LYST: variants seen among roughly 807,000 people sequenced by gnomAD.
LYST encodes lysosomal trafficking regulator.
A neutral mutation model predicts 413.6 loss-of-function variants in LYST; 192 were observed. The observed-to-expected ratio is 0.46, with a 90% CI of 0.41 to 0.52. LYST has a LOEUF of 0.52. Ranked by LOEUF, LYST falls within the 20% of genes least tolerant of loss-of-function variation. The pLI, the probability that LYST is intolerant of heterozygous loss-of-function variation, is 0.00. For synonymous variants in LYST, 1,525 were observed against 1,567.3 expected (o/e 0.97, Z 0.64); for missense variants, 3,815 against 4,499.9 (o/e 0.85, Z 4.35).
intron 6 of LYST, among the ~76,000 whole-genome samples, chr1:235,805,308 T>C (rs561851549): frequency 2.0e-5 from 3 of 152,272 alleles, no homozygotes; most frequent in South Asian, 4.1e-4. Context: ...ACAATGATTG[T>C]CCCCACTTCT....
chr1:235,697,305 T>C, intron 45 of LYST, 33 bp from the exon 46 acceptor site: 2 of 1,520,588 alleles, frequency 1.3e-6, no homozygotes, highest in East Asian at 2.3e-5. Context: ...GTATGGCTTT[T>C]TAAAAGGTGG....
chr1:235,856,333 AAAG>A (rs1373893202), intron 1 of LYST, among the ~76,000 whole-genome samples: 2 of 152,228 alleles, frequency 1.3e-5, no homozygotes, highest in East Asian at 1.9e-4. Context: ...AGTATAACAG[AAAG>A]AATAGTAGAC....
intron 14 of LYST, 63 bp downstream of exon 14, chr1:235,787,137 T>C (rs1572255812): frequency 8.1e-7 from 1 of 1,241,074 alleles, no homozygotes; most frequent in East Asian, 2.3e-5. Flanking sequence ...GAAGCTATAA[T>C]TGACTAATGA....
At chr1:235,770,512 A>G (rs1668563701) in intron 19 of LYST, among the ~76,000 whole-genome samples, 1 of 152,182 alleles carries the variant, frequency 6.6e-6, no homozygotes, top group South Asian at 2.1e-4. Context: ...ACAATATTGT[A>G]TTAGGTGCTT....
rs1371791424 is a variant in LYST, at chr1:235,774,970, A to T, written c.5577T>A (p.Ser1859=). Residue 1859 remains serine (S), a synonymous_variant, in exon 18 of 53, where the codon TCT becomes TCA. Transcript: ENST00000389793. Reference sequence around the variant, plus strand: ...GTTTGATCAACACCTGATGAATCATAGAAAGTCCATTACAATTTTCTAATT... The same window carrying T: ...GTTTGATCAACACCTGATGAATCATTGAAAGTCCATTACAATTTTCTAATT... ...VHELENCNGL[S]MIHQVLIKQK... 1 of 1,610,918 alleles carries T rather than the reference A, an allele frequency of 6.2e-7. No homozygotes were observed. The highest frequency in any genetic ancestry group is 8.5e-7 in the Non-Finnish European group (1 of 1,178,488).
rs554073540 is a variant in LYST at position 235,712,254 on chromosome 1, C to A, written c.9785-57G>T. 1.1e-5 allele frequency: 14 copies of A among 1,255,036 alleles called. No individual in the cohort carries two copies. In the African/African-American group the frequency reaches 1.7e-4, roughly 15 times the overall value. 77.7% of individuals were successfully genotyped at this position (1,255,036 alleles called of 1,614,324 possible). A position where few individuals can be genotyped will look rare whatever the true frequency, so the allele number is the denominator to read the frequency against. ...CACAAAGACCTAATTCTATTTGAGGCCTATCATAATTAATTTACTTTTGCC... is the reference window on the plus strand; with the variant it reads ...CACAAAGACCTAATTCTATTTGAGGACTATCATAATTAATTTACTTTTGCC... On this transcript the variant is annotated intron_variant, in intron 42 of 52. Coordinates refer to ENST00000389793, the MANE Select transcript of LYST (RefSeq NM_000081.4).
intron 22 of LYST, among the ~76,000 whole-genome samples, chr1:235,760,817 T>C (rs1398764238): frequency 1.3e-5 from 2 of 152,264 alleles, no homozygotes; most frequent in Non-Finnish European, 2.9e-5. Flanking sequence ...TAGTTATTTC[T>C]GGATTTGGGC....
intron 32 of LYST, 140 bp downstream of exon 32, chr1:235,734,343 T>C (rs1036828951): frequency 6.6e-5 from 49 of 739,196 alleles, no homozygotes; most frequent in Non-Finnish European, 1.2e-5. Flanking sequence ...ACAAAAGCAA[T>C]ATAGTATATA....
intron 12 of LYST, 163 bp downstream of exon 12, chr1:235,791,536 A>G (rs1670991348): frequency 1.5e-6 from 1 of 671,646 alleles, no homozygotes; most frequent in African/African-American, 1.8e-5. Context: ...GCTTTATGAC[A>G]ACTCATGCTT....
intron 45 of LYST, among the ~76,000 whole-genome samples, chr1:235,699,157 T>C (rs1233094114): frequency 2.6e-5 from 4 of 152,186 alleles, no homozygotes; most frequent in Non-Finnish European, 5.9e-5. Context: ...GTTTGTTACA[T>C]AGGTATACGT....
At chr1:235,826,707 G>T (rs1291716353) in intron 3 of LYST, among the ~76,000 whole-genome samples, 1 of 152,122 alleles carries the variant, frequency 6.6e-6, no homozygotes, top group Non-Finnish European at 1.5e-5. Flanking sequence ...TTAAGACAGG[G>T]TTTCACTCTG....
intron 1 of LYST, among the ~76,000 whole-genome samples, chr1:235,859,305 C>T (rs1277828466): frequency 6.6e-6 from 1 of 152,114 alleles, no homozygotes. Context: ...CTTCAATGGT[C>T]CCTTTCCCTC....
chr1:235,872,604 G>T (rs952560028), intron 1 of LYST, among the ~76,000 whole-genome samples: 5 of 152,288 alleles, frequency 3.3e-5, no homozygotes, highest in Admixed American at 2.0e-4. Context: ...GGAGGTCAGA[G>T]AATTTTTTTA....
At chr1:235,718,347 T>G (rs1663036174) in intron 40 of LYST, among the ~76,000 whole-genome samples, 1 of 152,008 alleles carries the variant, frequency 6.6e-6, no homozygotes, top group African/African-American at 2.4e-5. Context: ...TGTATTTATC[T>G]GTGCAAGCAT....
At chr1:235,781,236 T>A (rs1056805413) in intron 15 of LYST, among the ~76,000 whole-genome samples, 181 bp from the exon 16 acceptor site, 3 of 152,198 alleles carry the variant, frequency 2.0e-5, no homozygotes, top group Non-Finnish European at 4.4e-5. Flanking sequence ...CTATGTCAAC[T>A]ATGATGGAAG....
At chr1:235,832,045 G>A (rs572487726) in intron 2 of LYST, among the ~76,000 whole-genome samples, 136 of 152,210 alleles carry the variant, frequency 8.9e-4, no homozygotes, top group Non-Finnish European at 1.2e-3. Context: ...CTGCAGTATC[G>A]TTTCTGGGAT....
At chr1:235,832,149 A>T (rs543662381) in intron 2 of LYST, among the ~76,000 whole-genome samples, 1 of 152,242 alleles carries the variant, frequency 6.6e-6, no homozygotes, top group African/African-American at 2.4e-5. Flanking sequence ...TTCAGAAAAC[A>T]ACCAGGAAAA....
At position 235,793,579 on chromosome 1, in the gene LYST, G is replaced by A. The variant is rs767996620; in HGVS notation, c.4040C>T (p.Ser1347Phe). 2 of 1,598,958 alleles carry A rather than the reference G, an allele frequency of 1.3e-6. No homozygotes were observed. Among genetic ancestry groups the A allele is most frequent in the Non-Finnish European group, 1.7e-6 (2 of 1,168,290 alleles). The change falls in exon 11 of 53, where the codon TCT (serine) becomes TTT (phenylalanine). Residue 1347 changes from serine to phenylalanine, a missense_variant. This residue lies in a region of LYST where 1,648 missense variants were observed against 1,810.3 expected (regional missense o/e 0.91). Transcript: ENST00000389793. ...TGAACATGTTCTTGAACTCATCAAA[G>A]ATACCAAAAGATCCACCAATACTCT... ...CQRVLVDLLVSLMSSRTCSEE... is the reference protein window; with the variant it reads ...CQRVLVDLLVFLMSSRTCSEE...
Position 235,715,327 on chromosome 1 carries a change from T to C in LYST, c.9658A>G (p.Arg3220Gly). The change falls in exon 42 of 53, where the codon AGA (arginine) becomes GGA (glycine). Residue 3220 changes from arginine (R) to glycine (G), a missense_variant. Physicochemically the swap from Arg to Gly is moderately radical, Grantham distance 125. Coordinates refer to ENST00000389793, the MANE Select transcript of LYST (RefSeq NM_000081.4). ...ACGGGAGGCATGGGGTCATCTTCTC[T>C]GGCTCCTTTGCGGTACTCTTCCTCC... Reference protein sequence around the residue: ...YLEEEYRKGAREDDPMPPVQP... With the variant: ...YLEEEYRKGAGEDDPMPPVQP... 3 of 1,614,016 alleles carry C rather than the reference T, an allele frequency of 1.9e-6. No individual in the cohort carries two copies. The highest frequency in any genetic ancestry group is 2.5e-6 in the Non-Finnish European group (3 of 1,179,940).
Sources: gnomAD v4.1 joint callset for allele counts (sites outside exome capture counted in the v4.1 genomes callset) on GRCh38, gnomAD v4.1.1 for gene constraint, gnomAD v4.1.1 regional missense constraint, MANE v1.5 for transcripts, NCBI Gene and HGNC (gene_info 2026-07-23, HGNC 2026-07-21) for gene names.